The following RNF10 variants were observed in gnomAD, a reference collection of about 807,000 sequenced individuals.
The protein encoded by RNF10 is E3 ubiquitin-protein ligase RNF10.
In RNF10, 38 loss-of-function variants were observed where a neutral mutation model predicts 91.4. The ratio of observed to expected loss-of-function variants is 0.42; its 90% CI spans 0.32 to 0.54. The LOEUF is 0.54. Among genes scored for constraint, RNF10 ranks in the 20% least tolerant of loss-of-function variants. RNF10 has a pLI of 0.16. For synonymous variants in RNF10, 364 were observed against 366.3 expected (o/e 0.99, Z 0.07); for missense variants, 945 against 1,012.0 (o/e 0.93, Z 0.90).
intron 2 of RNF10, among the ~76,000 whole-genome samples, chr12:120,548,997 AACAT>A (rs1442489152): frequency 6.6e-6 from 1 of 152,052 alleles, no homozygotes; most frequent in Non-Finnish European, 1.5e-5. Context: ...GGGAAATGAT[AACAT>A]GTCTGTGCTC....
intron 1 of RNF10, chr12:120,535,512 TC>T (rs1394467517): frequency 6.6e-6 from 1 of 152,184 alleles, no homozygotes; most frequent in Non-Finnish European, 1.5e-5. Context: ...ATGAATTCAG[TC>T]TTTTTGGGTC....
intron 2 of RNF10, among the ~76,000 whole-genome samples, chr12:120,552,083 C>CAAAA (rs563764429): frequency 2.3e-5 from 2 of 86,476 alleles, no homozygotes; most frequent in Admixed American, 1.3e-4. Context: ...GACTCTGTCT[C>CAAAA]AAAAAAAAAA....
chr12:120,559,176 CTT>C (rs34120761), intron 6 of RNF10, among the ~76,000 whole-genome samples: 6 of 95,796 alleles, frequency 6.3e-5, no homozygotes, highest in East Asian at 6.3e-4. Flanking sequence ...TTGAACTACT[CTT>C]TTTTTTTTTT....
chr12:120,537,972 TACTC>T lies in RNF10; in HGVS notation c.157+3006_157+3009del, dbSNP rs147344253. ...CTAAGACCAGTGCTACTACAGCAGA[TACTC>T]AGGAGCTCTGATGCAGTGACTTCAC... On this transcript the variant is annotated intron_variant, in intron 1 of 16. Transcript: ENST00000325954. Among the ~76,000 whole-genome samples, 31 of 152,334 alleles carry T rather than the reference TACTC, an allele frequency of 2.0e-4. No individual in the cohort carries two copies. In the East Asian group the frequency reaches 4.0e-3, roughly 20 times the overall value.
rs771974880 is a variant in RNF10 at position 120,575,926 on chromosome 12, C to T, written c.2335C>T (p.Pro779Ser). 6.2e-7 allele frequency: 1 copy of T among 1,613,900 alleles called. No homozygotes were observed. The highest frequency in any genetic ancestry group is 2.2e-5 in the East Asian group (1 of 44,886). Residue 779 changes from proline to serine, a missense_variant, in exon 16 of 17, where the codon CCA becomes TCA. Transcript: ENST00000325954. Reference protein sequence around the residue: ...IEAAFMKLDTPATSDPLSEEK... With the variant: ...IEAAFMKLDTSATSDPLSEEK... ...AGCAGCCTTCATGAAACTGGACACACCAGCTACTTCAGATCCCCTCTCTGG... is the reference window on the plus strand; with the variant it reads ...AGCAGCCTTCATGAAACTGGACACATCAGCTACTTCAGATCCCCTCTCTGG...
Position 120,563,819 on chromosome 12 carries a change from G to T in RNF10, c.1541G>T (p.Gly514Val), listed in dbSNP as rs765429535. 1 of 1,614,086 alleles carries T rather than the reference G, an allele frequency of 6.2e-7. No individual in the cohort carries two copies. Among genetic ancestry groups the T allele is most frequent in the Non-Finnish European group, 8.5e-7 (1 of 1,179,988 alleles). Residue 514 changes from glycine (G) to valine (V), a missense_variant, in exon 10 of 17, where the codon GGA becomes GTA. Coordinates refer to ENST00000325954, the MANE Select transcript of RNF10 (RefSeq NM_014868.5). Reference sequence around the variant, plus strand: ...AGCCCCTTGTCCTCAGCGGAAGATGGACAGCATATGTTCCTGCACCCTGTG... The same window carrying T: ...AGCCCCTTGTCCTCAGCGGAAGATGTACAGCATATGTTCCTGCACCCTGTG... ...PCYYFYQAED[G>V]QHMFLHPVNV...
At chr12:120,554,496 A>G (rs1402650679) in intron 3 of RNF10, 3 of 474,026 alleles carry the variant, frequency 6.3e-6, no homozygotes, top group Non-Finnish European at 1.1e-5. Flanking sequence ...GACTTGAAGC[A>G]GAAGAAAACA....
Position 120,534,587 on chromosome 12 carries a change from C to A in RNF10, c.-225C>A. 9.4e-7 allele frequency: 1 copy of A among 1,063,338 alleles called. No individual in the cohort carries two copies. The highest frequency in any genetic ancestry group is 2.5e-5 in the South Asian group (1 of 39,762). The allele number at this position is 1,063,338 out of a possible 1,614,324, so 65.9% of individuals were successfully genotyped here. A position where few individuals can be genotyped will look rare whatever the true frequency, so the allele number is the denominator to read the frequency against. On this transcript the variant is annotated 5_prime_UTR_variant, in exon 1 of 17. Transcript: ENST00000325954. Reference sequence around the variant, plus strand: ...GCCAGGCCCGGCCCGGACTCCCGAGCCCCGGCCTCCTCGTCCTCGGTCGCC... The same window carrying A: ...GCCAGGCCCGGCCCGGACTCCCGAGACCCGGCCTCCTCGTCCTCGGTCGCC...
chr12:120,562,938 A>G lies in RNF10; in HGVS notation c.1129-7A>G, dbSNP rs764191166. ...ACCTTCTCTGGTGTTCTCTCTGGCC[A>G]CGTTAGACTCGGGAAGAGGCTCTGT... On this transcript the variant is annotated splice_region_variant and splice_polypyrimidine_tract_variant and intron_variant, in intron 7 of 16. Coordinates refer to ENST00000325954, the MANE Select transcript of RNF10 (RefSeq NM_014868.5). The G allele has an allele frequency of 2.9e-5, 47 of 1,613,788 alleles. No individual in the cohort carries two copies. Among genetic ancestry groups the G allele is most frequent in the Non-Finnish European group, 3.9e-5 (46 of 1,179,908 alleles).
chr12:120,554,585 T>C, intron 3 of RNF10, 133 bp from the exon 4 acceptor site: 1 of 687,760 alleles, frequency 1.5e-6, no homozygotes, highest in Non-Finnish European at 2.6e-6. Context: ...GCTGAGGTCC[T>C]AGTGCAGTGC....
intron 3 of RNF10, 66 bp from the exon 4 acceptor site, chr12:120,554,652 A>G (rs953205358): frequency 7.8e-6 from 10 of 1,276,510 alleles, no homozygotes; most frequent in Admixed American, 1.7e-5. Context: ...ATAGATGACA[A>G]TTTCTGCTGA....
At chr12:120,545,348 ATTT>A (rs36040889) in intron 1 of RNF10, among the ~76,000 whole-genome samples, 1 of 132,382 alleles carries the variant, frequency 7.6e-6, no homozygotes, top group Non-Finnish European at 1.6e-5. Flanking sequence ...TGCCCGGCTA[ATTT>A]TTTTTTTTTT....
rs374676279 is a variant in RNF10 at position 120,552,705 on chromosome 12, A to G, written c.554+7A>G. On this transcript the variant is annotated splice_region_variant and intron_variant, in intron 3 of 16. Transcript: ENST00000325954. ...AACTCTTTTTACAGGCCAAGTGAGT[A>G]TTGCTACCCCTCAGAGGAAAGGGAA... The G allele has an allele frequency of 3.6e-5, 58 of 1,612,604 alleles. No individual in the cohort carries two copies. The highest frequency in any genetic ancestry group is 4.8e-5 in the Non-Finnish European group (57 of 1,179,374).
chr12:120,562,767 C>G (rs1425730492), intron 7 of RNF10, among the ~76,000 whole-genome samples, 178 bp from the exon 8 acceptor site: 1 of 152,162 alleles, frequency 6.6e-6, no homozygotes, highest in Non-Finnish European at 1.5e-5. Context: ...GTATTGCATG[C>G]TTTTTGCTTC....
intron 3 of RNF10, among the ~76,000 whole-genome samples, chr12:120,552,932 A>G (rs1438789048): frequency 6.6e-6 from 1 of 152,042 alleles, no homozygotes; most frequent in East Asian, 1.9e-4. Context: ...ATAAGGTAGA[A>G]AACATGTTTG....
In RNF10 at chr12:120,534,476, T is replaced by C; in HGVS notation, c.-336T>C. 5.2e-6 allele frequency: 1 copy of C among 190,734 alleles called. No individual in the cohort carries two copies. Among genetic ancestry groups the C allele is most frequent in the Non-Finnish European group, 1.0e-5 (1 of 95,898 alleles). 11.8% of individuals were successfully genotyped at this position (190,734 alleles called of 1,614,324 possible). ...GAGACAGCCAGCCCTCTCCCCTGCCTCGCGGCGGGAGAGCGTGTCCGGCCG... is the reference window on the plus strand; with the variant it reads ...GAGACAGCCAGCCCTCTCCCCTGCCCCGCGGCGGGAGAGCGTGTCCGGCCG... On this transcript the variant is annotated 5_prime_UTR_variant, in exon 1 of 17. Coordinates refer to ENST00000325954, the MANE Select transcript of RNF10 (RefSeq NM_014868.5).
At chr12:120,561,481 A>G (rs533487959) in intron 7 of RNF10, among the ~76,000 whole-genome samples, 2 of 152,212 alleles carry the variant, frequency 1.3e-5, no homozygotes, top group Non-Finnish European at 2.9e-5. Flanking sequence ...AACAAGTTCT[A>G]GGGTGATTCT....
chr12:120,549,641 C>T (rs915539533), intron 2 of RNF10, among the ~76,000 whole-genome samples: 2 of 151,924 alleles, frequency 1.3e-5, no homozygotes, highest in East Asian at 1.9e-4. Flanking sequence ...AAAAATTAAC[C>T]GGGCGTGATG....
chr12:120,549,796 G>A (rs2137165008), intron 2 of RNF10, among the ~76,000 whole-genome samples: 1 of 152,154 alleles, frequency 6.6e-6, no homozygotes, highest in East Asian at 1.9e-4. Context: ...AAATAAATAA[G>A]TGAATAAATA....
Sources: allele counts gnomAD v4.1 joint callset (sites outside exome capture counted in the v4.1 genomes callset), GRCh38; gene constraint gnomAD v4.1.1; transcripts MANE v1.5; gene names NCBI Gene and HGNC (gene_info 2026-07-23, HGNC 2026-07-21).